The following SORCS1 variants were observed in gnomAD, a reference collection of about 807,000 sequenced individuals.
The protein encoded by SORCS1 is VPS10 domain-containing receptor SorCS1.
In SORCS1, 60 loss-of-function variants were observed where a neutral mutation model predicts 146.1. The ratio of observed to expected loss-of-function variants is 0.41; its 90% CI spans 0.33 to 0.51. The LOEUF is 0.51. Among genes scored for constraint, SORCS1 ranks in the 20% least tolerant of loss-of-function variants. The probability of loss-of-function intolerance (pLI) is 0.21; values close to 1 mark genes in which losing one functional copy is unlikely to be tolerated. For synonymous variants in SORCS1, 637 were observed against 584.0 expected (o/e 1.09, Z -1.31); for missense variants, 1,352 against 1,487.6 (o/e 0.91, Z 1.50).
intron 1 of SORCS1, among the ~76,000 whole-genome samples, chr10:107,087,527 A>G (rs969773287): frequency 6.6e-6 from 1 of 152,248 alleles, no homozygotes; most frequent in Admixed American, 6.5e-5. Context: ...TTCTCTCTAA[A>G]TAATACCATA....
intron 2 of SORCS1, among the ~76,000 whole-genome samples, chr10:106,886,395 T>G (rs1298714365): frequency 6.6e-6 from 1 of 152,148 alleles, no homozygotes; most frequent in Admixed American, 6.5e-5. Flanking sequence ...CTACATTATT[T>G]TCCTGGATTT....
chr10:107,013,285 G>A (rs926880821), intron 1 of SORCS1, among the ~76,000 whole-genome samples: 3 of 152,044 alleles, frequency 2.0e-5, no homozygotes, highest in Admixed American at 6.5e-5. Flanking sequence ...ACATTTAACC[G>A]AGTCCAGGTT....
At chr10:107,114,182 C>T (rs1052858118) in intron 1 of SORCS1, among the ~76,000 whole-genome samples, 7 of 152,054 alleles carry the variant, frequency 4.6e-5, no homozygotes, top group Admixed American at 3.9e-4. Flanking sequence ...ATTCCAGGGT[C>T]AATTATACCA....
chr10:107,165,917 T>C (rs1260300068), upstream of SORCS1, among the ~76,000 whole-genome samples: 1 of 152,242 alleles, frequency 6.6e-6, no homozygotes, highest in Non-Finnish European at 1.5e-5. The surrounding 1 kb of genome is among the most constrained non-coding windows in gnomAD (Gnocchi z 4.0). Context: ...TTATAGTATC[T>C]GCCCAGCCTA....
rs536037072 is a variant in SORCS1 at position 106,883,683 on chromosome 10, G to A, written c.627-54010C>T. On this transcript the variant is annotated intron_variant, in intron 2 of 25. Coordinates refer to ENST00000263054, the MANE Select transcript of SORCS1 (RefSeq NM_052918.5). ...CCGCCTCAGCCTCCCAGAGTGGTAGGATTACAGGCGTGAGCCACCACGCCC... is the reference window on the plus strand; with the variant it reads ...CCGCCTCAGCCTCCCAGAGTGGTAGAATTACAGGCGTGAGCCACCACGCCC... 3.3e-5 allele frequency among the ~76,000 whole-genome samples: 5 copies of A among 152,298 alleles called. No homozygotes were observed. The South Asian group carries it at 8.3e-4, about 25-fold the overall frequency.
At chr10:106,946,798 T>C (rs1954368691) in intron 2 of SORCS1, among the ~76,000 whole-genome samples, 1 of 152,248 alleles carries the variant, frequency 6.6e-6, no homozygotes, top group African/African-American at 2.4e-5. Context: ...TTGGGGTTTC[T>C]GTAGGACAGG....
chr10:106,784,812 A>G (rs1589870721), intron 3 of SORCS1, among the ~76,000 whole-genome samples: 1 of 152,378 alleles, frequency 6.6e-6, no homozygotes, highest in East Asian at 1.9e-4. Context: ...GAGAAGGAAG[A>G]GAGAGCAGGA....
intron 1 of SORCS1, among the ~76,000 whole-genome samples, chr10:107,097,721 T>C (rs1168390340): frequency 6.6e-6 from 1 of 152,192 alleles, no homozygotes; most frequent in Non-Finnish European, 1.5e-5. Context: ...CTCAGCCTCT[T>C]TAGGACCAGA....
chr10:106,785,572 G>A (rs559152517), intron 3 of SORCS1, among the ~76,000 whole-genome samples: 1 of 152,238 alleles, frequency 6.6e-6, no homozygotes, highest in South Asian at 2.1e-4. Flanking sequence ...ACACTAACAA[G>A]TACGTTTTAA....
At chr10:107,015,312 T>C (rs1160133228) in intron 1 of SORCS1, among the ~76,000 whole-genome samples, 1 of 150,602 alleles carries the variant, frequency 6.6e-6, no homozygotes, top group Non-Finnish European at 1.5e-5. Flanking sequence ...TTGTATGGTA[T>C]GTCAGAAGGT....
intron 5 of SORCS1, among the ~76,000 whole-genome samples, chr10:106,742,041 G>T (rs879827619): frequency 1.3e-5 from 2 of 152,106 alleles, no homozygotes; most frequent in Admixed American, 1.3e-4. Context: ...AGAGGCTATT[G>T]CCCTCAAATA....
upstream of SORCS1, among the ~76,000 whole-genome samples, chr10:107,164,789 C>T (rs1217772585): frequency 6.7e-6 from 1 of 148,434 alleles, no homozygotes; most frequent in Non-Finnish European, 1.5e-5. The surrounding 1 kb of genome is among the most constrained non-coding windows in gnomAD (Gnocchi z 6.8). Context: ...CGGGCGCGGG[C>T]GCTGGCGGGC....
chr10:107,179,003 T>C, the SORCS1 span, among the ~76,000 whole-genome samples: 6 of 152,156 alleles, frequency 3.9e-5, no homozygotes, highest in Non-Finnish European at 8.8e-5. Flanking sequence ...CTGGATCATA[T>C]GGTAGTTCTA....
At chr10:106,932,829 C>T (rs562859893) in intron 2 of SORCS1, among the ~76,000 whole-genome samples, 2 of 152,308 alleles carry the variant, frequency 1.3e-5, no homozygotes, top group African/African-American at 4.8e-5. Flanking sequence ...GACTCCAATT[C>T]AAACCACTTT....
At chr10:106,795,895 G>A (rs1946531989) in intron 3 of SORCS1, among the ~76,000 whole-genome samples, 2 of 152,154 alleles carry the variant, frequency 1.3e-5, no homozygotes, top group Admixed American at 6.6e-5. Flanking sequence ...ACTAACATCT[G>A]TGAGCCCAAA....
intron 2 of SORCS1, among the ~76,000 whole-genome samples, chr10:106,881,228 C>A (rs1950795490): frequency 6.6e-6 from 1 of 152,140 alleles, no homozygotes; most frequent in African/African-American, 2.4e-5. Flanking sequence ...CTTACTGATT[C>A]ACTCACAAAG....
intron 3 of SORCS1, among the ~76,000 whole-genome samples, chr10:106,801,741 A>G (rs1946904790): frequency 6.6e-6 from 1 of 152,108 alleles, no homozygotes; most frequent in Admixed American, 6.6e-5. Flanking sequence ...TGTGTTAGCC[A>G]GGACGGTCTC....
At position 106,687,663 on chromosome 10, in the gene SORCS1, A is replaced by G. The variant is rs149126551; in HGVS notation, c.1560+529T>C. On this transcript the variant is annotated intron_variant, in intron 10 of 25. Coordinates refer to ENST00000263054, the MANE Select transcript of SORCS1 (RefSeq NM_052918.5). The stretch of plus-strand genomic sequence containing the variant: ...TTGCCAACTTCAGTTTTACGGAGTA[A>G]GACATAAATGAACAGAATATATTGT... 1.9e-3 allele frequency among the ~76,000 whole-genome samples: 288 copies of G among 152,332 alleles called. 2 individuals carry two copies. The highest frequency in any genetic ancestry group is 6.7e-3 in the African/African-American group (279 of 41,580).
chr10:107,073,132 A>C (rs996897655), intron 1 of SORCS1, among the ~76,000 whole-genome samples: 5 of 152,172 alleles, frequency 3.3e-5, no homozygotes, highest in African/African-American at 1.2e-4. Context: ...ATTCTTGTAT[A>C]ATTCTTTCCT....
Sources: allele counts gnomAD v4.1 joint callset (sites outside exome capture counted in the v4.1 genomes callset), GRCh38; gene constraint gnomAD v4.1.1; non-coding constraint Gnocchi (gnomAD v3.1); transcripts MANE v1.5; gene names NCBI Gene and HGNC (gene_info 2026-07-23, HGNC 2026-07-21).